MEIS1: variants seen among roughly 807,000 people sequenced by gnomAD.
MEIS1 encodes homeobox protein Meis1.
MEIS1 carries 5 observed loss-of-function variants against 50.8 expected under a neutral mutation model. That is an observed-to-expected ratio of 0.10 (90% CI 0.05 to 0.21). The LOEUF (loss-of-function observed/expected upper bound fraction) is 0.21. Ranked by LOEUF, MEIS1 falls within the 10% of genes least tolerant of loss-of-function variation. The pLI is 1.00. For missense variants in MEIS1, 318 were observed against 517.3 expected (o/e 0.61, Z 3.74); for synonymous variants, 176 against 179.3 (o/e 0.98, Z 0.15).
intron 6 of MEIS1, chr2:66,443,675 T>C (rs576184825): frequency 6.6e-6 from 1 of 152,478 alleles, no homozygotes; most frequent in African/African-American, 2.4e-5. Flanking sequence ...AGGCCGAGGT[T>C]ATAAAAACAG....
chr2:66,477,252 A>G (rs994182975), intron 7 of MEIS1, among the ~76,000 whole-genome samples: 1 of 152,160 alleles, frequency 6.6e-6, no homozygotes, highest in African/African-American at 2.4e-5. Context: ...AGGAGGCTAG[A>G]GAGAGTAGCT....
At chr2:66,524,095 TGGA>T (rs1380791191) in intron 8 of MEIS1, among the ~76,000 whole-genome samples, 1 of 152,164 alleles carries the variant, frequency 6.6e-6, no homozygotes, top group Non-Finnish European at 1.5e-5. Context: ...TCCTGGTCAT[TGGA>T]GGAGAAGGTG....
At chr2:66,568,333 A>C (rs1030978324) in intron 10 of MEIS1, 61 of 232,454 alleles carry the variant, frequency 2.6e-4, no homozygotes, top group African/African-American at 1.3e-3. Flanking sequence ...AGGGAGCACT[A>C]TGGAAAACTA....
chr2:66,544,671 C>G (rs985508385), intron 8 of MEIS1, among the ~76,000 whole-genome samples: 2 of 152,054 alleles, frequency 1.3e-5, no homozygotes, highest in African/African-American at 4.8e-5. Context: ...CTGAAAATTT[C>G]TTAATGGAGA....
At chr2:66,442,480 G>T (rs1321095182) in intron 5 of MEIS1, among the ~76,000 whole-genome samples, 1 of 151,936 alleles carries the variant, frequency 6.6e-6, no homozygotes, top group African/African-American at 2.4e-5. Flanking sequence ...CCACAGTACA[G>T]GTTCTTTGGA....
intron 8 of MEIS1, among the ~76,000 whole-genome samples, chr2:66,516,411 C>A (rs988874025): frequency 1.3e-5 from 2 of 152,116 alleles, no homozygotes; most frequent in Non-Finnish European, 2.9e-5. Context: ...CTCTCCTACT[C>A]CCCATCCATT....
intron 7 of MEIS1, among the ~76,000 whole-genome samples, chr2:66,478,356 T>C (rs116394135): frequency 8.3e-4 from 127 of 152,346 alleles, no homozygotes; most frequent in African/African-American, 3.0e-3. Context: ...GTTTGCATTA[T>C]GTGGATCAGA....
At chr2:66,546,794 C>A (rs1191248721) in intron 8 of MEIS1, among the ~76,000 whole-genome samples, 1 of 152,138 alleles carries the variant, frequency 6.6e-6, no homozygotes, top group Non-Finnish European at 1.5e-5. Context: ...ACAAACAAAT[C>A]CCCTGTGTAT....
chr2:66,439,689 T>G (rs1426623892), intron 2 of MEIS1, 154 bp from the exon 3 acceptor site: 1 of 1,541,536 alleles, frequency 6.5e-7, no homozygotes, highest in Non-Finnish European at 8.7e-7. Flanking sequence ...GTCACCTGGG[T>G]CTGGGGGAGG....
At chr2:66,543,940 C>T (rs141750532) in intron 8 of MEIS1, among the ~76,000 whole-genome samples, 1 of 152,340 alleles carries the variant, frequency 6.6e-6, no homozygotes, top group African/African-American at 2.4e-5. Context: ...ATTGGTATAT[C>T]TGGGAAGTGC....
intron 8 of MEIS1, among the ~76,000 whole-genome samples, chr2:66,535,558 C>T (rs1674498769): frequency 6.6e-6 from 1 of 152,208 alleles, no homozygotes; most frequent in Non-Finnish European, 1.5e-5. Flanking sequence ...CCGCACCTCC[C>T]TGCCCCCAGC....
At chr2:66,533,658 G>A (rs1302975748) in intron 8 of MEIS1, among the ~76,000 whole-genome samples, 1 of 152,032 alleles carries the variant, frequency 6.6e-6, no homozygotes, top group Non-Finnish European at 1.5e-5. Flanking sequence ...CCTTTTAATG[G>A]GACCCATTGC....
At chr2:66,464,771 G>T (rs1458998223) in intron 7 of MEIS1, among the ~76,000 whole-genome samples, 1 of 152,196 alleles carries the variant, frequency 6.6e-6, no homozygotes, top group Non-Finnish European at 1.5e-5. Context: ...GACATGGAAA[G>T]ATAACAGGTT....
intron 9 of MEIS1, among the ~76,000 whole-genome samples, chr2:66,558,639 T>A (rs1675135777): frequency 6.6e-6 from 1 of 152,166 alleles, no homozygotes; most frequent in South Asian, 2.1e-4. Context: ...CAAATCATCT[T>A]CATTGTGCCA....
At chr2:66,514,651 T>A (rs1673919610) in intron 8 of MEIS1, among the ~76,000 whole-genome samples, 1 of 152,214 alleles carries the variant, frequency 6.6e-6, no homozygotes, top group Non-Finnish European at 1.5e-5. Context: ...CATCTGCTCA[T>A]ACAGAAATAT....
intron 12 of MEIS1, chr2:66,570,953 G>A (rs1220011418): frequency 3.0e-6 from 1 of 332,794 alleles, no homozygotes; most frequent in Non-Finnish European, 5.5e-6. Context: ...GGAGACAAAA[G>A]TGCTTCTTCA....
At chr2:66,452,542 T>C (rs975438676) in intron 6 of MEIS1, among the ~76,000 whole-genome samples, 1 of 151,962 alleles carries the variant, frequency 6.6e-6, no homozygotes, top group African/African-American at 2.4e-5. Flanking sequence ...TAGTTTGCCA[T>C]TTTCATTTTA....
At chr2:66,440,461 C>A in intron 3 of MEIS1, 101 bp from the exon 4 acceptor site, 1 of 992,688 alleles carries the variant, frequency 1.0e-6, no homozygotes, top group Non-Finnish European at 1.6e-6. Flanking sequence ...CTGCCCCCGA[C>A]AGTGTAATGA....
chr2:66,475,947 G>A (rs888978129), intron 7 of MEIS1, among the ~76,000 whole-genome samples: 1 of 152,158 alleles, frequency 6.6e-6, no homozygotes, highest in Non-Finnish European at 1.5e-5. Flanking sequence ...AAGGTGCTGA[G>A]TATTTGGTGA....
Sources: allele counts gnomAD v4.1 joint callset (sites outside exome capture counted in the v4.1 genomes callset), GRCh38; gene constraint gnomAD v4.1.1; transcripts MANE v1.5; gene names NCBI Gene and HGNC (gene_info 2026-07-23, HGNC 2026-07-21).